Variants in PDE4A observed in about 807,000 individuals in gnomAD.
PDE4A encodes the protein 3',5'-cyclic-AMP phosphodiesterase 4A.
Under a neutral mutation model 73.9 loss-of-function variants are expected in PDE4A, and 21 were observed. The ratio of observed to expected loss-of-function variants is 0.28; its 90% CI spans 0.20 to 0.41. The LOEUF (loss-of-function observed/expected upper bound fraction) is 0.41, where lower values mean the gene tolerates loss of function less well. Ranked by LOEUF, PDE4A falls within the 10% of genes least tolerant of loss-of-function variation. The pLI is 1.00. For synonymous variants in PDE4A, 463 were observed against 505.4 expected (o/e 0.92, Z 1.13); for missense variants, 958 against 1,211.4 (o/e 0.79, Z 3.10).
In PDE4A at chr19:10,457,939, C is replaced by T. The variant is rs201202869; in HGVS notation, c.938C>T (p.Ala313Val). The T allele has an allele frequency of 1.1e-5, 17 of 1,613,202 alleles. No individual in the cohort carries two copies. In the East Asian group the frequency reaches 2.9e-4, roughly 27 times the overall value. Residue 313 changes from alanine to valine, a missense_variant, in exon 8 of 15, where the codon GCG becomes GTG. Around this residue, in one of 3 missense-constraint regions of PDE4A, gnomAD observed 570 missense variants for 827.7 expected, o/e 0.69. Transcript: ENST00000380702. ...ATGAAGGAACGAGAAAAACAGCAAGCGCCGCGACCAAGACCCTCCCAGCCG... is the reference window on the plus strand; with the variant it reads ...ATGAAGGAACGAGAAAAACAGCAAGTGCCGCGACCAAGACCCTCCCAGCCG... ...PTMKEREKQQ[A>V]PRPRPSQPPP...
At chr19:10,434,653 C>T (rs576218561) in intron 1 of PDE4A, among the ~76,000 whole-genome samples, 5 of 151,492 alleles carry the variant, frequency 3.3e-5, no homozygotes, top group African/African-American at 7.3e-5. Context: ...TGCAGTGGTG[C>T]GATCTTGCCT....
chr19:10,430,406 C>G (rs1415121418), intron 1 of PDE4A, among the ~76,000 whole-genome samples: 1 of 151,728 alleles, frequency 6.6e-6, no homozygotes, highest in African/African-American at 2.4e-5. Flanking sequence ...CTGAGAAGCC[C>G]CGGGATTTGG....
chr19:10,432,431 T>A, intron 1 of PDE4A: 1 of 1,442,752 alleles, frequency 6.9e-7, no homozygotes, highest in Non-Finnish European at 9.1e-7. Context: ...GGCGCTTGGC[T>A]CCCATGCGCT....
intron 2 of PDE4A, among the ~76,000 whole-genome samples, 173 bp downstream of exon 2, chr19:10,446,582 CTT>C (rs61359557): frequency 7.0e-6 from 1 of 143,228 alleles, no homozygotes; most frequent in African/African-American, 2.5e-5. Flanking sequence ...GGCTCAGTTC[CTT>C]TTTTTTTTTT....
rs749126870 is a variant in PDE4A at position 10,465,683 on chromosome 19, C to CTTTTTTTTTTTTTT, written c.1927-1183_1927-1170dup. Among the ~76,000 whole-genome samples the CTTTTTTTTTTTTTT allele has an allele frequency of 6.4e-4, 31 of 48,382 alleles. 4 individuals are homozygous for CTTTTTTTTTTTTTT. Among genetic ancestry groups the CTTTTTTTTTTTTTT allele is most frequent in the Non-Finnish European group, 9.5e-4 (26 of 27,272 alleles). The allele number at this position is 48,382 out of a possible 152,430, so 31.7% of individuals were successfully genotyped here. A position where few individuals can be genotyped will look rare whatever the true frequency, so the allele number is the denominator to read the frequency against. The stretch of plus-strand genomic sequence containing the variant: ...TCATAGCAATAGTTTGTGGCTTTAG[C>CTTTTTTTTTTTTTT]TTTTTTTTTTTTTTTTTTTTTTTTT... On this transcript the variant is annotated intron_variant, in intron 14 of 14. Transcript: ENST00000380702.
chr19:10,432,494 C>T (rs2042807969), intron 1 of PDE4A: 1 of 1,515,252 alleles, frequency 6.6e-7, no homozygotes, highest in Non-Finnish European at 8.8e-7. Flanking sequence ...CACTGCCCCC[C>T]ACGGGCCCCG....
intron 11 of PDE4A, 56 bp downstream of exon 11, chr19:10,461,159 G>C: frequency 6.3e-7 from 1 of 1,585,254 alleles, no homozygotes; most frequent in Non-Finnish European, 8.6e-7. Context: ...TGTTGGCCAG[G>C]CTGGGGGCGG....
chr19:10,465,027 T>C (rs1397554575), intron 14 of PDE4A, among the ~76,000 whole-genome samples: 1 of 151,346 alleles, frequency 6.6e-6, no homozygotes, highest in Non-Finnish European at 1.5e-5. Context: ...CCTCCCCACT[T>C]TATATCCTCC....
Position 10,469,390 on chromosome 19 carries a change from T to A in PDE4A, c.*1769T>A, listed in dbSNP as rs1255241740. On this transcript the variant is annotated 3_prime_UTR_variant, in exon 15 of 15. Transcript: ENST00000380702. ...AAGGGTGGACTCACCGCTGTTGTTT[T>A]ATGGGAAGTCGTGTCATCCTAGGGG... The A allele has an allele frequency of 6.6e-6, 1 of 152,306 alleles. No homozygotes were observed. Among genetic ancestry groups the A allele is most frequent in the Non-Finnish European group, 1.5e-5 (1 of 68,088 alleles). The allele number at this position is 152,306 out of a possible 1,614,324, so 9.4% of individuals were successfully genotyped here.
At chr19:10,459,527 G>T in intron 9 of PDE4A, 29 bp downstream of exon 9, 1 of 1,611,638 alleles carries the variant, frequency 6.2e-7, no homozygotes, top group Non-Finnish European at 8.5e-7. Context: ...AGTGGGCCCG[G>T]GTGAGGGGCT....
In PDE4A at chr19:10,461,019, C is replaced by T. The variant is rs1205478506; in HGVS notation, c.1381C>T (p.Leu461=). The T allele has an allele frequency of 1.9e-6, 3 of 1,613,440 alleles. No individual in the cohort carries two copies. The highest frequency in any genetic ancestry group is 2.5e-6 in the Non-Finnish European group (3 of 1,179,658). ...TPALDAVFTD[L]EILAALFAAA... is the part of the protein sequence containing the mutation. ...CTGCTCCCAGGCAGTGTTCACGGACCTGGAGATTCTCGCCGCCCTCTTCGC... is the reference window on the plus strand; with the variant it reads ...CTGCTCCCAGGCAGTGTTCACGGACTTGGAGATTCTCGCCGCCCTCTTCGC... Residue 461 remains leucine, a synonymous_variant, in exon 11 of 15, where the codon CTG becomes TTG. Transcript: ENST00000380702.
rs774417517 is a variant in PDE4A, at chr19:10,420,734, G to C, written c.-31G>C. 13 of 1,506,980 alleles carry C rather than the reference G, an allele frequency of 8.6e-6. No individual in the cohort carries two copies. In the Admixed American group the frequency reaches 8.7e-5, roughly 10 times the overall value. 93.4% of individuals were successfully genotyped at this position (1,506,980 alleles called of 1,614,324 possible). A position where few individuals can be genotyped will look rare whatever the true frequency, so the allele number is the denominator to read the frequency against. On this transcript the variant is annotated 5_prime_UTR_variant, in exon 1 of 15. Coordinates refer to ENST00000380702, the MANE Select transcript of PDE4A (RefSeq NM_001111307.2). This position sits in a 1 kb window ranked among gnomAD's most constrained non-coding sequence, Gnocchi z 6.0. ...CGGGGTGTAGGTTGGAAGGGCCAGG[G>C]CCCCCTGGGGCGCAAGTGGGGGCCG...
intron 8 of PDE4A, chr19:10,459,186 G>A (rs1038330189): frequency 2.6e-6 from 2 of 772,788 alleles, no homozygotes; most frequent in Non-Finnish European, 4.0e-6. Context: ...ATACTTGGCA[G>A]ATCATAAGTA....
chr19:10,447,584 G>A lies in PDE4A; in HGVS notation c.512+1175G>A, dbSNP rs188493410. Among the ~76,000 whole-genome samples the A allele has an allele frequency of 1.1e-3, 161 of 151,142 alleles. 2 individuals are homozygous for A. Among genetic ancestry groups the A allele is most frequent in the Middle Eastern group, 3.4e-3 (1 of 290 alleles). ...GGGTCTCACTATGTTGCCTAGACTG[G>A]TCTCAAACTCCTGGGCTCAAGCGAT... On this transcript the variant is annotated intron_variant, in intron 2 of 14. Coordinates refer to ENST00000380702, the MANE Select transcript of PDE4A (RefSeq NM_001111307.2).
chr19:10,457,644 G>T (rs1301678520), intron 7 of PDE4A: 9 of 257,826 alleles, frequency 3.5e-5, no homozygotes, highest in Admixed American at 1.3e-4. Context: ...CATATCTGAT[G>T]ATCAGACCGG....
chr19:10,464,061 T>G, intron 14 of PDE4A, 86 bp downstream of exon 14: 34 of 1,501,468 alleles, frequency 2.3e-5, no homozygotes, highest in Non-Finnish European at 2.8e-5. Context: ...CAGGAGCTCC[T>G]CCCCTGCCTT....
At chr19:10,439,275 G>A (rs562455908) in intron 1 of PDE4A, among the ~76,000 whole-genome samples, 4 of 151,698 alleles carry the variant, frequency 2.6e-5, no homozygotes, top group South Asian at 4.2e-4. Context: ...TCCGTCTCCC[G>A]GGTTCAAGCA....
At chr19:10,428,462 G>T (rs2042746604) in intron 1 of PDE4A, among the ~76,000 whole-genome samples, 1 of 152,050 alleles carries the variant, frequency 6.6e-6, no homozygotes, top group Non-Finnish European at 1.5e-5. Context: ...TTTCTAAAGG[G>T]TTAGTTGCTA....
chr19:10,457,709 C>T, intron 7 of PDE4A, 170 bp from the exon 8 acceptor site: 1 of 867,926 alleles, frequency 1.2e-6, no homozygotes, highest in Non-Finnish European at 1.4e-6. Context: ...TGGAAGATTT[C>T]CCACATCCCC....
Sources: gnomAD v4.1 joint callset for allele counts (sites outside exome capture counted in the v4.1 genomes callset) on GRCh38, gnomAD v4.1.1 for gene constraint, gnomAD v4.1.1 regional missense constraint, Gnocchi (gnomAD v3.1) non-coding constraint, MANE v1.5 for transcripts, NCBI Gene and HGNC (gene_info 2026-07-23, HGNC 2026-07-21) for gene names.